The following CCNH variants were observed in gnomAD, a reference collection of about 807,000 sequenced individuals.
The protein encoded by CCNH is cyclin H, also known as cyclin-H.
Under a neutral mutation model 41.9 loss-of-function variants are expected in CCNH, and 31 were observed. The ratio of observed to expected loss-of-function variants is 0.74; its 90% CI spans 0.56 to 1.00. The LOEUF is 1.00. CCNH is among the 50% of genes least tolerant of loss of function. CCNH has a pLI of 0.00. For missense variants in CCNH, 362 were observed against 388.4 expected (o/e 0.93, Z 0.57); for synonymous variants, 138 against 136.1 (o/e 1.01, Z -0.10).
At position 87,331,184 on chromosome 5, in the gene CCNH, T is replaced by C. The variant is rs771976110; in HGVS notation, c.*91-12287A>G. The C allele has an allele frequency of 4.2e-6, 4 of 957,600 alleles. No homozygotes were observed. In the Admixed American group the frequency reaches 5.5e-5, roughly 13 times the overall value. The allele number at this position is 957,600 out of a possible 1,614,324, so 59.3% of individuals were successfully genotyped here. On this transcript the variant is annotated intron_variant and NMD_transcript_variant, in intron 9 of 9. Transcript: ENST00000645953. Reference sequence around the variant, plus strand: ...CAAGTAAATGAGTATTTTTTGAGACTGAGGTTAAATTGAGTTAAAATTGGA... The same window carrying C: ...CAAGTAAATGAGTATTTTTTGAGACCGAGGTTAAATTGAGTTAAAATTGGA...
At position 87,412,507 on chromosome 5, in the gene CCNH, T is replaced by C; in HGVS notation, c.117+171A>G. 4 of 1,434,866 alleles carry C rather than the reference T, an allele frequency of 2.8e-6. No homozygotes were observed. In the South Asian group the frequency reaches 4.4e-5, roughly 16 times the overall value. The allele number at this position is 1,434,866 out of a possible 1,614,324, so 88.9% of individuals were successfully genotyped here. On this transcript the variant is annotated intron_variant, in intron 1 of 8. Coordinates refer to ENST00000256897, the MANE Select transcript of CCNH (RefSeq NM_001239.4). The stretch of plus-strand genomic sequence containing the variant: ...ACGACGGGGATGGCGTTGTTCGTCT[T>C]TGTACCCACGGAACCTGGCAAGGTG...
rs1189629577 is a variant in CCNH at position 87,376,405 on chromosome 5, G to A, written n.776C>T. On this transcript the variant is annotated non_coding_transcript_exon_variant, in exon 1 of 1. Transcript: ENST00000607486. ...TTTTCTTCCCAAGTATTTATGCGCT[G>A]CCAGTTGAGCCGATTACAGAAAGGG... The A allele has an allele frequency of 6.2e-7, 1 of 1,613,754 alleles. No individual in the cohort carries two copies. Among genetic ancestry groups the A allele is most frequent in the African/African-American group, 1.3e-5 (1 of 74,896 alleles).
Position 87,349,329 on chromosome 5 carries a change from C to A in CCNH, c.*91-30432G>T, listed in dbSNP as rs1759092483. On this transcript the variant is annotated intron_variant and NMD_transcript_variant, in intron 9 of 9. Coordinates refer to the CCNH transcript ENST00000645953. ...GATTTAAAATATGTCCAACGCCAAACAATCAGTTTATGATGGGAGGCCGGT... is the reference window on the plus strand; with the variant it reads ...GATTTAAAATATGTCCAACGCCAAAAAATCAGTTTATGATGGGAGGCCGGT... 1 of 1,611,920 alleles carries A rather than the reference C, an allele frequency of 6.2e-7. No individual in the cohort carries two copies. The highest frequency in any genetic ancestry group is 1.7e-4 in the Middle Eastern group (1 of 6,044).
chr5:87,394,382 T>C lies in CCNH; in HGVS notation c.*64A>G, dbSNP rs1762748819. 10 of 1,573,306 alleles carry C rather than the reference T, an allele frequency of 6.4e-6. No homozygotes were observed. Among genetic ancestry groups the C allele is most frequent in the Non-Finnish European group, 7.8e-6 (9 of 1,160,272 alleles). On this transcript the variant is annotated 3_prime_UTR_variant, in exon 9 of 9. Transcript: ENST00000256897. ...TCACATTATACTTTTTAAATAAAGT[T>C]AAACGTTTGATATGCTTCCTACTTC...
chr5:87,405,705 C>G (rs1763739708), intron 4 of CCNH, among the ~76,000 whole-genome samples: 1 of 152,052 alleles, frequency 6.6e-6, no homozygotes, highest in African/African-American at 2.4e-5. Flanking sequence ...CACAGCTGTT[C>G]TCCCTCCTCT....
At chr5:87,319,448 C>G (rs1039090751) in intron 9 of CCNH, among the ~76,000 whole-genome samples, 2 of 152,222 alleles carry the variant, frequency 1.3e-5, no homozygotes, top group African/African-American at 2.4e-5. Flanking sequence ...AAGGTGGAGG[C>G]TCCCAAACCT....
intron 9 of CCNH, among the ~76,000 whole-genome samples, chr5:87,367,480 A>G (rs1760611675): frequency 6.6e-6 from 1 of 152,166 alleles, no homozygotes; most frequent in Non-Finnish European, 1.5e-5. Flanking sequence ...CTGATGCTGA[A>G]CGAATGTTGG....
intron 9 of CCNH, among the ~76,000 whole-genome samples, chr5:87,342,586 C>T (rs1217149928): frequency 6.6e-6 from 1 of 152,134 alleles, no homozygotes; most frequent in Non-Finnish European, 1.5e-5. Context: ...TATTTTCCCT[C>T]GTTGCTAGAG....
At chr5:87,395,403 G>A (rs1322926672) in intron 7 of CCNH, among the ~76,000 whole-genome samples, 1 of 151,622 alleles carries the variant, frequency 6.6e-6, no homozygotes, top group African/African-American at 2.4e-5. Flanking sequence ...AACAGTGTTG[G>A]AGGACCTTGT....
At chr5:87,349,961 T>G (rs1245750292) in intron 9 of CCNH, among the ~76,000 whole-genome samples, 5 of 151,858 alleles carry the variant, frequency 3.3e-5, no homozygotes, top group African/African-American at 9.7e-5. Flanking sequence ...GAAAATAATC[T>G]TCATTTGTGA....
intron 5 of CCNH, among the ~76,000 whole-genome samples, chr5:87,402,482 C>T (rs59202984): frequency 1.2e-4 from 18 of 151,962 alleles, no homozygotes; most frequent in African/African-American, 4.1e-4. Context: ...TGATAAAAGG[C>T]GAAATGAACA....
At chr5:87,363,703 T>G (rs1259372703) in intron 9 of CCNH, among the ~76,000 whole-genome samples, 1 of 152,052 alleles carries the variant, frequency 6.6e-6, no homozygotes, top group East Asian at 1.9e-4. Flanking sequence ...ACAGAAATCT[T>G]TGGCATGACA....
At chr5:87,389,472 G>A, downstream of CCNH, 1 of 1,614,174 alleles carries the variant, frequency 6.2e-7, no homozygotes, top group Non-Finnish European at 8.5e-7. Flanking sequence ...CATGAGATTT[G>A]CGTGGCTCAT....
upstream of CCNH, chr5:87,380,553 A>T: frequency 1.2e-6 from 2 of 1,613,566 alleles, no homozygotes; most frequent in Middle Eastern, 1.7e-4. Context: ...TCTGTTCAGC[A>T]TAAGTGGCCT....
chr5:87,355,826 T>C (rs1344210931), intron 9 of CCNH, among the ~76,000 whole-genome samples: 1 of 152,194 alleles, frequency 6.6e-6, no homozygotes, highest in Non-Finnish European at 1.5e-5. Flanking sequence ...TGGAAGAAGC[T>C]GATTCCAACT....
At chr5:87,376,242 A>T, downstream of CCNH, 1 of 864,166 alleles carries the variant, frequency 1.2e-6, no homozygotes, top group Non-Finnish European at 1.8e-6. Flanking sequence ...GTAAATAAAC[A>T]ACTAAATATT....
intron 9 of CCNH, among the ~76,000 whole-genome samples, chr5:87,351,803 T>C (rs1265273277): frequency 2.0e-5 from 3 of 151,830 alleles, no homozygotes; most frequent in Admixed American, 6.6e-5. Context: ...ACTTTTAAAT[T>C]TGCTCCTGGA....
intron 9 of CCNH, chr5:87,346,743 G>A (rs1580320413): frequency 2.0e-6 from 3 of 1,503,568 alleles, no homozygotes. Flanking sequence ...ATATTTACTT[G>A]CTTTTCTAAT....
At chr5:87,406,637 CAA>C (rs202152269) in intron 4 of CCNH, among the ~76,000 whole-genome samples, 6 of 138,166 alleles carry the variant, frequency 4.3e-5, no homozygotes, top group Admixed American at 7.2e-5. Flanking sequence ...ATTGCAAAAT[CAA>C]AAAAAAAAAA....
Sources: gnomAD v4.1 joint callset for allele counts (sites outside exome capture counted in the v4.1 genomes callset) on GRCh38, gnomAD v4.1.1 for gene constraint, MANE v1.5 for transcripts, NCBI Gene and HGNC (gene_info 2026-07-23, HGNC 2026-07-21) for gene names.